The following TCF20 variants were observed in gnomAD, a reference collection of about 807,000 sequenced individuals.
TCF20 encodes transcription factor 20, also known as SPRE-binding protein.
In TCF20, 3 loss-of-function variants were observed where a neutral mutation model predicts 148.6. The ratio of observed to expected loss-of-function variants is 0.02; its 90% CI spans 0.01 to 0.05. The LOEUF is 0.05. Among genes scored for constraint, TCF20 ranks in the 10% least tolerant of loss-of-function variants. The pLI is 1.00. For synonymous variants in TCF20, 1,049 were observed against 909.5 expected (o/e 1.15, Z -2.76); for missense variants, 2,350 against 2,429.3 (o/e 0.97, Z 0.69).
intron 1 of TCF20, among the ~76,000 whole-genome samples, chr22:42,250,394 C>T (rs539480802): frequency 1.9e-4 from 28 of 146,312 alleles, no homozygotes; most frequent in Non-Finnish European, 3.9e-4. Flanking sequence ...TGCAGTGAGC[C>T]GAGACCACAC....
chr22:42,167,349 G>A (rs922741450), intron 5 of TCF20, among the ~76,000 whole-genome samples: 8 of 152,202 alleles, frequency 5.3e-5, no homozygotes, highest in African/African-American at 1.7e-4. Flanking sequence ...CCAGAAGGTG[G>A]TCAGGCACAT....
intron 2 of TCF20, among the ~76,000 whole-genome samples, chr22:42,204,506 GA>G (rs1009600409): frequency 1.3e-5 from 2 of 148,470 alleles, no homozygotes; most frequent in Non-Finnish European, 3.0e-5. Context: ...AAAAATCAAG[GA>G]AAAAAAACCC....
chr22:42,278,606 G>C (rs775266055), intron 1 of TCF20: 3 of 152,248 alleles, frequency 2.0e-5, no homozygotes, highest in Non-Finnish European at 4.4e-5. Context: ...GGAGGAGGCT[G>C]CCTGGGTTTG....
At chr22:42,294,196 A>G (rs1384965957) in intron 1 of TCF20, among the ~76,000 whole-genome samples, 1 of 152,084 alleles carries the variant, frequency 6.6e-6, no homozygotes, top group African/African-American at 2.4e-5. Context: ...CCCCGGTCAC[A>G]TCCTGCCACT....
At chr22:42,270,810 A>G (rs1031292703), upstream of TCF20, among the ~76,000 whole-genome samples, 1 of 146,750 alleles carries the variant, frequency 6.8e-6, no homozygotes, top group Non-Finnish European at 1.5e-5. Context: ...GGCGGCGTCG[A>G]GGCTGGCGCG....
At chr22:42,197,888 G>A (rs987676929) in intron 2 of TCF20, among the ~76,000 whole-genome samples, 1 of 152,204 alleles carries the variant, frequency 6.6e-6, no homozygotes, top group African/African-American at 2.4e-5. Flanking sequence ...CACTGAGGTA[G>A]CAGTAAACAG....
chr22:42,161,274 G>GGGGC lies in TCF20; in HGVS notation c.*125_*128dup. ...GGCAGGCACGCGGGCGGGGCGGGGC[G>GGGGC]GGGCAGGGCAGGGTGTGGCTGCACG... On this transcript the variant is annotated 3_prime_UTR_variant, in exon 6 of 6. Coordinates refer to ENST00000677622, the MANE Select transcript of TCF20 (RefSeq NM_001378418.1). 6.2e-7 allele frequency: 1 copy of GGGGC among 1,603,956 alleles called. No homozygotes were observed. Among genetic ancestry groups the GGGGC allele is most frequent in the East Asian group, 2.2e-5 (1 of 44,762 alleles).
rs548167908 is a variant in TCF20 at position 42,279,231 on chromosome 22, G to A, written c.-37+4596C>T. 6.6e-6 allele frequency among the ~76,000 whole-genome samples: 1 copy of A among 152,292 alleles called. No individual in the cohort carries two copies. The highest frequency in any genetic ancestry group is 1.5e-5 in the Non-Finnish European group (1 of 68,024). ...GTGAAAAAGAAAGGAAGGGCCAGGT[G>A]CAGTGGCTCATACCTGTAGTCCCAG... On this transcript the variant is annotated intron_variant, in intron 1 of 5. Coordinates refer to the TCF20 transcript ENST00000359486. The surrounding 1 kb of genome is among the most constrained non-coding windows in gnomAD (Gnocchi z 4.3).
intron 2 of TCF20, among the ~76,000 whole-genome samples, chr22:42,186,263 GC>G (rs1347635556): frequency 6.6e-6 from 1 of 152,196 alleles, no homozygotes; most frequent in Non-Finnish European, 1.5e-5. Flanking sequence ...GAGGGTGTCA[GC>G]ACACGTGTGA....
At chr22:42,233,316 G>T (rs1923599049) in intron 1 of TCF20, among the ~76,000 whole-genome samples, 1 of 152,208 alleles carries the variant, frequency 6.6e-6, no homozygotes, top group South Asian at 2.1e-4. Context: ...AGAAAGTTTA[G>T]TAACTCTCAT....
rs1234488974 is a variant in TCF20 at position 42,161,307 on chromosome 22, G to C, written c.*96C>G. 1.2e-6 allele frequency: 2 copies of C among 1,613,694 alleles called. No individual in the cohort carries two copies. Among genetic ancestry groups the C allele is most frequent in the South Asian group, 1.1e-5 (1 of 91,076 alleles). On this transcript the variant is annotated 3_prime_UTR_variant, in exon 6 of 6. Transcript: ENST00000677622. Reference sequence around the variant, plus strand: ...GCAGGGTGTGGCTGCACGGTAGGACGATTTCCATTCCATCACGAGTGTCCA... The same window carrying C: ...GCAGGGTGTGGCTGCACGGTAGGACCATTTCCATTCCATCACGAGTGTCCA...
chr22:42,182,551 C>T (rs1011703571), intron 2 of TCF20, among the ~76,000 whole-genome samples: 1 of 152,192 alleles, frequency 6.6e-6, no homozygotes, highest in Non-Finnish European at 1.5e-5. Context: ...CACAACCTGG[C>T]AAGCAGTGTG....
rs927843722 is a variant in TCF20 at position 42,299,560 on chromosome 22, G to A, written c.-37+43919C>T. Among the ~76,000 whole-genome samples the A allele has an allele frequency of 1.1e-4, 16 of 152,190 alleles. No homozygotes were observed. Among genetic ancestry groups the A allele is most frequent in the African/African-American group, 3.4e-4 (14 of 41,446 alleles). ...CCGAGGAACTGGAATGGGGGTGGAG[G>A]GGAATCACATGTCCCACTGGTCACC... On this transcript the variant is annotated intron_variant, in intron 1 of 1. Coordinates refer to the TCF20 transcript ENST00000515426. The surrounding 1 kb of genome is among the most constrained non-coding windows in gnomAD (Gnocchi z 4.1).
intron 1 of TCF20, among the ~76,000 whole-genome samples, chr22:42,311,734 G>A (rs1324358863): frequency 2.6e-5 from 4 of 152,186 alleles, no homozygotes; most frequent in Non-Finnish European, 4.4e-5. Context: ...GCTGAAAAGA[G>A]CAAGAAAAGT....
intron 1 of TCF20, among the ~76,000 whole-genome samples, chr22:42,332,816 G>A (rs376325047): frequency 7.9e-5 from 12 of 152,224 alleles, no homozygotes; most frequent in African/African-American, 2.4e-4. Context: ...GATGCTACAG[G>A]AAAGGGACCA....
At position 42,211,331 on chromosome 22, in the gene TCF20, A is replaced by T; in HGVS notation, c.3975T>A (p.Ser1325Arg). 1 of 1,614,148 alleles carries T rather than the reference A, an allele frequency of 6.2e-7. No individual in the cohort carries two copies. Among genetic ancestry groups the T allele is most frequent in the African/African-American group, 1.3e-5 (1 of 75,052 alleles). ...TGAGGGTAACAGCAGGGCAGTTTCT[A>T]CTATCTGGACTTGGAAGGTCCTTGG... ...DSSKDLPSPD[S>R]RNCPAVTLTS... The change falls in exon 2 of 6, where the codon AGT becomes AGA. Residue 1325 changes from serine to arginine, a missense_variant. This residue lies in a region of TCF20 where 1,641 missense variants were observed against 1,662.6 expected (regional missense o/e 0.99). Transcript: ENST00000677622.
intron 1 of TCF20, among the ~76,000 whole-genome samples, chr22:42,325,558 A>C (rs1927860454): frequency 1.3e-5 from 2 of 152,124 alleles, no homozygotes. Context: ...AGGGCATGAG[A>C]CTTCATTCAA....
intron 1 of TCF20, among the ~76,000 whole-genome samples, chr22:42,324,082 G>GTGA (rs1314971716): frequency 6.9e-6 from 1 of 145,826 alleles, no homozygotes; most frequent in African/African-American, 2.6e-5. Flanking sequence ...GGTGGTGGTG[G>GTGA]TGGTGGTGAT....
At chr22:42,164,428 G>T (rs1421816504) in intron 5 of TCF20, among the ~76,000 whole-genome samples, 2 of 151,868 alleles carry the variant, frequency 1.3e-5, no homozygotes, top group African/African-American at 4.8e-5. Context: ...TTGTATTTTT[G>T]TATTGTTAGC....
Sources: allele counts gnomAD v4.1 joint callset (sites outside exome capture counted in the v4.1 genomes callset), GRCh38; gene constraint gnomAD v4.1.1; regional missense constraint gnomAD v4.1.1; non-coding constraint Gnocchi (gnomAD v3.1); transcripts MANE v1.5; gene names NCBI Gene and HGNC (gene_info 2026-07-23, HGNC 2026-07-21).